Variants in CMIP observed in about 807,000 individuals in gnomAD.
CMIP encodes the protein C-Maf-inducing protein.
A neutral mutation model predicts 97.3 loss-of-function variants in CMIP; 13 were observed. That is an observed-to-expected ratio of 0.13 (90% CI 0.09 to 0.21). The LOEUF is 0.21. CMIP is among the 10% of genes least tolerant of loss of function. The probability of loss-of-function intolerance (pLI) is 1.00; values close to 1 mark genes in which losing one functional copy is unlikely to be tolerated. For synonymous variants in CMIP, 538 were observed against 436.3 expected, an observed-to-expected ratio of 1.23 and a Z score of -2.91; for missense variants, 847 against 1,024.9, an observed-to-expected ratio of 0.83 and a Z score of 2.37.
intron 2 of CMIP, among the ~76,000 whole-genome samples, chr16:81,613,129 C>T (rs529592443): frequency 4.6e-5 from 7 of 152,310 alleles, no homozygotes; most frequent in African/African-American, 1.2e-4. Context: ...GTTTACAGTC[C>T]GGCCTTGTCC....
chr16:81,668,437 G>A (rs2092634761), intron 7 of CMIP, among the ~76,000 whole-genome samples: 1 of 152,176 alleles, frequency 6.6e-6, no homozygotes, highest in East Asian at 1.9e-4. Context: ...CCCCCCACTG[G>A]GCTGGGCGCC....
chr16:81,668,679 G>A (rs1422545385), intron 7 of CMIP, among the ~76,000 whole-genome samples: 1 of 152,068 alleles, frequency 6.6e-6, no homozygotes, highest in African/African-American at 2.4e-5. Context: ...CAACCAGGGT[G>A]GTGTCCCTGT....
chr16:81,644,217 C>T (rs2092337764), intron 3 of CMIP, among the ~76,000 whole-genome samples: 1 of 152,190 alleles, frequency 6.6e-6, no homozygotes, highest in Non-Finnish European at 1.5e-5. Context: ...AGATGCCCTC[C>T]AGTCATGGTG....
chr16:81,587,670 C>T (rs2091404612), intron 1 of CMIP, among the ~76,000 whole-genome samples: 1 of 152,270 alleles, frequency 6.6e-6, no homozygotes, highest in African/African-American at 2.4e-5. Context: ...GCCGTCTCTG[C>T]TCCATCTTCC....
chr16:81,705,976 A>G (rs1908093595), intron 19 of CMIP, among the ~76,000 whole-genome samples: 1 of 152,142 alleles, frequency 6.6e-6, no homozygotes, highest in Non-Finnish European at 1.5e-5. Context: ...CTGGTCAGAA[A>G]TGTACATTCC....
chr16:81,500,788 C>A, intron 1 of CMIP, among the ~76,000 whole-genome samples: 1 of 151,990 alleles, frequency 6.6e-6, no homozygotes, highest in East Asian at 2.0e-4. Flanking sequence ...TGTGCCCTCC[C>A]CGGCCCACTG....
chr16:81,657,905 T>G (rs1597207250), intron 5 of CMIP, 89 bp downstream of exon 5: 1 of 1,093,866 alleles, frequency 9.1e-7, no homozygotes, highest in Non-Finnish European at 1.3e-6. Context: ...TTCTGGCGCC[T>G]GCGTAATCCA....
Position 81,493,045 on chromosome 16 carries a change from A to T in CMIP, c.300+47504A>T, listed in dbSNP as rs543771676. Among the ~76,000 whole-genome samples, 13 of 152,206 alleles carry T rather than the reference A, an allele frequency of 8.5e-5. No individual in the cohort carries two copies. The South Asian group carries it at 2.7e-3, about 32-fold the overall frequency. The stretch of plus-strand genomic sequence containing the variant: ...TGGAAAGGACCAGAATGCAGGGAGG[A>T]GCCGCTGGCGGGGGTCACTGGAAGC... On this transcript the variant is annotated intron_variant, in intron 1 of 20. Coordinates refer to ENST00000537098, the MANE Select transcript of CMIP (RefSeq NM_198390.3).
chr16:81,508,279 A>G (rs1198837831), intron 1 of CMIP, among the ~76,000 whole-genome samples: 1 of 152,246 alleles, frequency 6.6e-6, no homozygotes, highest in Admixed American at 6.5e-5. Flanking sequence ...CCCAGAGGCC[A>G]CAGCATCCCT....
At chr16:81,656,182 C>T (rs1421861593) in intron 4 of CMIP, among the ~76,000 whole-genome samples, 2 of 152,222 alleles carry the variant, frequency 1.3e-5, no homozygotes, top group African/African-American at 2.4e-5. Context: ...GTTGTTCATT[C>T]AGATGCTGAC....
At chr16:81,566,643 C>T (rs143431863) in intron 1 of CMIP, among the ~76,000 whole-genome samples, 33 of 152,330 alleles carry the variant, frequency 2.2e-4, no homozygotes, top group Admixed American at 2.0e-3. Flanking sequence ...AATGATTCTA[C>T]TCCCAATTCT....
intron 10 of CMIP, among the ~76,000 whole-genome samples, chr16:81,679,938 C>A (rs1904699674): frequency 6.6e-6 from 1 of 152,224 alleles, no homozygotes; most frequent in Admixed American, 6.5e-5. Flanking sequence ...AGACACTCAG[C>A]AGACACCTCC....
intron 1 of CMIP, among the ~76,000 whole-genome samples, chr16:81,510,159 C>T (rs1389485021): frequency 2.0e-5 from 3 of 152,154 alleles, no homozygotes; most frequent in Non-Finnish European, 2.9e-5. Context: ...CGTCAGCATC[C>T]TGCTGCGGGG....
chr16:81,699,842 C>T (rs769491419), intron 15 of CMIP, 41 bp downstream of exon 15: 2 of 1,387,250 alleles, frequency 1.4e-6, no homozygotes, highest in South Asian at 1.2e-5. Context: ...TGGCTGGCTC[C>T]CCGTCCCTTG....
At position 81,531,049 on chromosome 16, in the gene CMIP, C is replaced by G. The variant is rs150476755; in HGVS notation, c.301-76518C>G. ...AAAAGGCACGTTTACGCTGTAGTCT[C>G]TGTACCTGTGAGCATGACCTTCTTT... On this transcript the variant is annotated intron_variant, in intron 1 of 20. Coordinates refer to ENST00000537098, the MANE Select transcript of CMIP (RefSeq NM_198390.3). 2.6e-5 allele frequency among the ~76,000 whole-genome samples: 4 copies of G among 152,296 alleles called. No individual in the cohort carries two copies. In the East Asian group the frequency reaches 7.7e-4, roughly 29 times the overall value.
At chr16:81,699,237 T>C (rs1015843866) in intron 14 of CMIP, among the ~76,000 whole-genome samples, 4 of 151,994 alleles carry the variant, frequency 2.6e-5, no homozygotes, top group East Asian at 1.9e-4. Flanking sequence ...GCCTGGACAA[T>C]AGAGCGAGAC....
intron 1 of CMIP, among the ~76,000 whole-genome samples, chr16:81,545,257 C>T (rs182488384): frequency 6.6e-6 from 1 of 152,274 alleles, no homozygotes; most frequent in East Asian, 1.9e-4. Context: ...TTAATGCATT[C>T]GTTATCTCAG....
At chr16:81,677,034 G>T (rs1220484999) in intron 9 of CMIP, among the ~76,000 whole-genome samples, 1 of 152,174 alleles carries the variant, frequency 6.6e-6, no homozygotes, top group Non-Finnish European at 1.5e-5. Context: ...CTCATGTCCA[G>T]GTCGCATCCT....
intron 1 of CMIP, among the ~76,000 whole-genome samples, chr16:81,540,956 A>C (rs565969181): frequency 6.7e-6 from 1 of 148,548 alleles, no homozygotes; most frequent in South Asian, 2.1e-4. Context: ...CTGGGATTAC[A>C]GGTGTGAGCC....
Sources: gnomAD v4.1 joint callset for allele counts (sites outside exome capture counted in the v4.1 genomes callset) on GRCh38, gnomAD v4.1.1 for gene constraint, MANE v1.5 for transcripts, NCBI Gene and HGNC (gene_info 2026-07-23, HGNC 2026-07-21) for gene names.